The following FBXL2 variants were observed in gnomAD, a reference collection of about 807,000 sequenced individuals.
FBXL2 encodes the protein F-box/LRR-repeat protein 2.
In FBXL2, 38 loss-of-function variants were observed where a neutral mutation model predicts 69.2. That is an observed-to-expected ratio of 0.55 (90% CI 0.42 to 0.72). The LOEUF (loss-of-function observed/expected upper bound fraction) is 0.72. FBXL2 is among the 30% of genes least tolerant of loss of function. The pLI is 0.00. For synonymous variants in FBXL2, 192 were observed against 201.3 expected, an observed-to-expected ratio of 0.95 and a Z score of 0.39; for missense variants, 354 against 520.3, an observed-to-expected ratio of 0.68 and a Z score of 3.11.
chr3:33,315,482 G>A (rs995838601), intron 2 of FBXL2, among the ~76,000 whole-genome samples: 5 of 151,864 alleles, frequency 3.3e-5, no homozygotes, highest in Middle Eastern at 3.4e-3. Context: ...TCCAAAGTTG[G>A]AAAAGCAAGT....
the FBXL2 span, among the ~76,000 whole-genome samples, chr3:33,417,666 T>C: frequency 6.6e-6 from 1 of 152,186 alleles, no homozygotes; most frequent in Non-Finnish European, 1.5e-5. Flanking sequence ...AAATTAATAA[T>C]GTACTCCAAA....
chr3:33,346,952 A>G (rs1423371646), intron 2 of FBXL2, among the ~76,000 whole-genome samples: 1 of 152,226 alleles, frequency 6.6e-6, no homozygotes, highest in Non-Finnish European at 1.5e-5. Context: ...CCCTTCAAGC[A>G]TTTATCCTTT....
chr3:33,381,813 A>G (rs1236389618), intron 13 of FBXL2, among the ~76,000 whole-genome samples: 1 of 152,186 alleles, frequency 6.6e-6, no homozygotes, highest in Non-Finnish European at 1.5e-5. Context: ...CTAAAAACCA[A>G]TGAACAGCAT....
At chr3:33,333,458 T>C (rs1297634331) in intron 2 of FBXL2, among the ~76,000 whole-genome samples, 7 of 152,340 alleles carry the variant, frequency 4.6e-5, no homozygotes, top group South Asian at 2.1e-4. Flanking sequence ...TTACAAAGAC[T>C]TCTGCTTCTA....
chr3:33,398,324 G>C (rs1178494607), intron 12 of FBXL2: 1 of 152,158 alleles, frequency 6.6e-6, no homozygotes, highest in African/African-American at 2.4e-5. Flanking sequence ...GATCAGAGAA[G>C]CACATCTCCC....
intron 5 of FBXL2, among the ~76,000 whole-genome samples, chr3:33,366,628 T>A (rs1444691494): frequency 6.6e-6 from 1 of 152,080 alleles, no homozygotes; most frequent in Non-Finnish European, 1.5e-5. Context: ...CACACCACCA[T>A]ACTCAAAGCT....
chr3:33,290,728 A>C (rs1470561981), intron 1 of FBXL2, among the ~76,000 whole-genome samples: 1 of 152,202 alleles, frequency 6.6e-6, no homozygotes, highest in Non-Finnish European at 1.5e-5. Context: ...TCTAGTATAT[A>C]CCTGTAACTA....
intron 2 of FBXL2, among the ~76,000 whole-genome samples, chr3:33,332,545 G>A (rs1417198504): frequency 6.6e-6 from 1 of 152,224 alleles, no homozygotes; most frequent in Admixed American, 6.5e-5. Context: ...ACGGATAAAT[G>A]TATGAACTAA....
rs143816869 is a variant in FBXL2 at position 33,367,405 on chromosome 3, A to G, written c.290+2686A>G. Among the ~76,000 whole-genome samples, 16 of 151,780 alleles carry G rather than the reference A, an allele frequency of 1.1e-4. No individual in the cohort carries two copies. The East Asian group carries it at 3.1e-3, about 29-fold the overall frequency. On this transcript the variant is annotated intron_variant, in intron 5 of 14. Transcript: ENST00000484457. ...CCTCAATTTCTTTAATATGTATAGA[A>G]CTCTTCAGATTATTTCTTCATAAAT...
At chr3:33,392,918 TA>T (rs1309151759), downstream of FBXL2, 1 of 353,666 alleles carries the variant, frequency 2.8e-6, no homozygotes, top group Non-Finnish European at 5.1e-6. Flanking sequence ...GCTCTTCTAT[TA>T]TTACTTGCCA....
chr3:33,399,304 A>C (rs1471269562), intron 12 of FBXL2, among the ~76,000 whole-genome samples: 3 of 152,216 alleles, frequency 2.0e-5, no homozygotes, highest in African/African-American at 7.2e-5. Context: ...GTCATTATCT[A>C]TTACTGTCCC....
chr3:33,314,754 C>T (rs1289582744), intron 2 of FBXL2, among the ~76,000 whole-genome samples: 9 of 152,150 alleles, frequency 5.9e-5, no homozygotes, highest in Admixed American at 5.9e-4. Flanking sequence ...CCATTGATCT[C>T]ATCAGAAAAG....
At chr3:33,342,275 G>C (rs1178359778) in intron 2 of FBXL2, among the ~76,000 whole-genome samples, 1 of 151,404 alleles carries the variant, frequency 6.6e-6, no homozygotes, top group Non-Finnish European at 1.5e-5. Context: ...AAAGTGCTGG[G>C]ATTACAGGTA....
chr3:33,416,774 T>A, the FBXL2 span: 5 of 1,612,556 alleles, frequency 3.1e-6, no homozygotes, highest in Admixed American at 3.3e-5. Context: ...TAATTTTCCA[T>A]TGATCTCAGG....
chr3:33,337,619 A>G (rs767011588), intron 2 of FBXL2, among the ~76,000 whole-genome samples: 3 of 152,222 alleles, frequency 2.0e-5, no homozygotes, highest in Non-Finnish European at 2.9e-5. Flanking sequence ...AGCCATAGCA[A>G]TCAGGCAAAA....
At position 33,373,585 on chromosome 3, in the gene FBXL2, T is replaced by C; in HGVS notation, c.463T>C (p.Cys155Arg). 6.2e-7 allele frequency: 1 copy of C among 1,614,212 alleles called. No homozygotes were observed. Among genetic ancestry groups the C allele is most frequent in the Non-Finnish European group, 8.5e-7 (1 of 1,180,028 alleles). ...TGTTTCTTGTTCTCTCAGTGAGGGC[T>C]GCCGAAACCTGGAGTACCTGAACCT... is the stretch of plus-strand genomic sequence containing the variant. Reference protein sequence around the residue: ...NSSLKGISEGCRNLEYLNLSW... With the variant: ...NSSLKGISEGRRNLEYLNLSW... The change falls in exon 8 of 15, where the codon TGC becomes CGC. Residue 155 changes from cysteine (C) to arginine (R), a missense_variant. Cys to Arg is a radical substitution (Grantham distance 180). Coordinates refer to ENST00000484457, the MANE Select transcript of FBXL2 (RefSeq NM_012157.5).
chr3:33,397,578 A>G (rs1449443136), intron 12 of FBXL2: 1 of 152,524 alleles, frequency 6.6e-6, no homozygotes, highest in East Asian at 1.9e-4. Context: ...ACTTGCCTAA[A>G]GTCTGTAAGA....
chr3:33,409,404 C>A, the FBXL2 span: 1 of 1,613,832 alleles, frequency 6.2e-7, no homozygotes, highest in Non-Finnish European at 8.5e-7. Context: ...GCTTTACAGG[C>A]AAAACTGAGC....
At chr3:33,295,089 C>G (rs912816403) in intron 1 of FBXL2, among the ~76,000 whole-genome samples, 1 of 151,872 alleles carries the variant, frequency 6.6e-6, no homozygotes. Context: ...TTTTTTTAAT[C>G]CAGGTTTTAA....
Sources: allele counts gnomAD v4.1 joint callset (sites outside exome capture counted in the v4.1 genomes callset), GRCh38; gene constraint gnomAD v4.1.1; transcripts MANE v1.5; gene names NCBI Gene and HGNC (gene_info 2026-07-23, HGNC 2026-07-21).